Variants in FRRS1 observed in about 807,000 individuals in gnomAD.
FRRS1 encodes the protein ferric chelate reductase 1.
Under a neutral mutation model 70.7 loss-of-function variants are expected in FRRS1, and 51 were observed. That is an observed-to-expected ratio of 0.72 (90% CI 0.58 to 0.91). The LOEUF (loss-of-function observed/expected upper bound fraction) is 0.91, where lower values mean the gene tolerates loss of function less well. Among genes scored for constraint, FRRS1 ranks in the 40% least tolerant of loss-of-function variants. The pLI is 0.00. For missense variants in FRRS1, 672 were observed against 726.0 expected (o/e 0.93, Z 0.86); for synonymous variants, 225 against 238.7 (o/e 0.94, Z 0.53).
At chr1:99,729,531 C>T in intron 8 of FRRS1, 119 bp downstream of exon 8, 1 of 604,978 alleles carries the variant, frequency 1.7e-6, no homozygotes, top group Non-Finnish European at 3.0e-6. Context: ...CAGGCCCCTG[C>T]TCAGGCTAGG....
intron 9 of FRRS1, among the ~76,000 whole-genome samples, chr1:99,721,261 C>A (rs1310665059): frequency 6.6e-6 from 1 of 151,904 alleles, no homozygotes; most frequent in Non-Finnish European, 1.5e-5. Flanking sequence ...CACCTGTAAT[C>A]CCAGCTACTC....
At chr1:99,754,488 A>G in intron 1 of FRRS1, among the ~76,000 whole-genome samples, 1 of 104,928 alleles carries the variant, frequency 9.5e-6, no homozygotes, top group East Asian at 2.2e-4. Context: ...CTTGTCTCAA[A>G]GAGAGAGAGA....
chr1:99,743,872 T>C (rs901367891), intron 4 of FRRS1, among the ~76,000 whole-genome samples: 5 of 152,146 alleles, frequency 3.3e-5, no homozygotes, highest in East Asian at 1.9e-4. Flanking sequence ...TGTGCACTAC[T>C]GTAAACCTTG....
At chr1:99,748,065 G>T (rs988687229) in intron 3 of FRRS1, 3 of 153,904 alleles carry the variant, frequency 1.9e-5, no homozygotes, top group African/African-American at 7.3e-5. Context: ...GAACTCTAAG[G>T]TATATTATAT....
intron 4 of FRRS1, among the ~76,000 whole-genome samples, chr1:99,746,263 C>A (rs1656257670): frequency 6.6e-6 from 1 of 152,174 alleles, no homozygotes; most frequent in South Asian, 2.1e-4. Context: ...GCTCTTTACA[C>A]ACAGTACTCG....
rs1430614829 is a variant in FRRS1, at chr1:99,707,488, C to T, written c.*1540G>A. Among the ~76,000 whole-genome samples, 1 of 152,022 alleles carries T rather than the reference C, an allele frequency of 6.6e-6. No homozygotes were observed. Among genetic ancestry groups the T allele is most frequent in the Non-Finnish European group, 1.5e-5 (1 of 68,014 alleles). ...CATTCATTATTACAGGGTCAGGGGA[C>T]TTGTAAAAACAAATATCAATTATTA... On this transcript the variant is annotated 3_prime_UTR_variant, in exon 17 of 17. Transcript: ENST00000646001.
At chr1:99,723,333 T>A (rs1379287976) in intron 9 of FRRS1, among the ~76,000 whole-genome samples, 1 of 151,786 alleles carries the variant, frequency 6.6e-6, no homozygotes, top group Non-Finnish European at 1.5e-5. Context: ...CTGGGCAACA[T>A]GACGAGACCC....
intron 1 of FRRS1, among the ~76,000 whole-genome samples, chr1:99,760,608 C>T (rs537863236): frequency 6.6e-6 from 1 of 152,256 alleles, no homozygotes; most frequent in South Asian, 2.1e-4. Context: ...ACATTCAATA[C>T]CAATTTAAGA....
chr1:99,710,574 C>T (rs1654226933), intron 15 of FRRS1, among the ~76,000 whole-genome samples: 2 of 152,166 alleles, frequency 1.3e-5, no homozygotes, highest in Non-Finnish European at 1.5e-5. Flanking sequence ...ACAAGGAAGA[C>T]TCCCTGCCTA....
intron 7 of FRRS1, among the ~76,000 whole-genome samples, chr1:99,734,464 T>C (rs1395020892): frequency 6.6e-6 from 1 of 151,598 alleles, no homozygotes; most frequent in Non-Finnish European, 1.5e-5. Context: ...TAGATAGAAA[T>C]AGAAAGATAA....
In FRRS1 at chr1:99,705,854, A is replaced by G. The variant is rs12078040; in HGVS notation, c.*3174T>C. ...ACACATCTTTATTTCATATTGCATCACTTCTTTAGAAGAAAACATGATTTT... is the reference window on the plus strand; with the variant it reads ...ACACATCTTTATTTCATATTGCATCGCTTCTTTAGAAGAAAACATGATTTT... On this transcript the variant is annotated 3_prime_UTR_variant, in exon 17 of 17. Transcript: ENST00000646001. 0.16 allele frequency among the ~76,000 whole-genome samples: 23,833 copies of G among 152,144 alleles called. 3,471 individuals are homozygous for G. The highest frequency in any genetic ancestry group is 0.38 in the African/African-American group (15,927 of 41,444).
chr1:99,709,011 C>T lies in FRRS1; in HGVS notation c.*17G>A. 6.2e-7 allele frequency: 1 copy of T among 1,613,836 alleles called. No homozygotes were observed. Among genetic ancestry groups the T allele is most frequent in the Middle Eastern group, 1.7e-4 (1 of 6,060 alleles). On this transcript the variant is annotated 3_prime_UTR_variant, in exon 17 of 17. Transcript: ENST00000646001. Reference sequence around the variant, plus strand: ...ATAATTATCACTTGGCCTGCAAAAGCCAAGGTCTTTGCTTGCTCATAGATG... The same window carrying T: ...ATAATTATCACTTGGCCTGCAAAAGTCAAGGTCTTTGCTTGCTCATAGATG...
intron 6 of FRRS1, among the ~76,000 whole-genome samples, chr1:99,740,570 T>C (rs964174077): frequency 6.6e-6 from 1 of 152,236 alleles, no homozygotes; most frequent in African/African-American, 2.4e-5. Context: ...TTCTCTTCTG[T>C]ATTTTATAAT....
At chr1:99,716,206 C>T (rs1227263080) in intron 11 of FRRS1, among the ~76,000 whole-genome samples, 8 of 152,182 alleles carry the variant, frequency 5.3e-5, no homozygotes, top group Non-Finnish European at 2.9e-5. Flanking sequence ...ATAACTGGTG[C>T]AGACCAAAAC....
chr1:99,732,365 C>T (rs1414028154), intron 7 of FRRS1, among the ~76,000 whole-genome samples: 26 of 152,126 alleles, frequency 1.7e-4, no homozygotes, highest in Admixed American at 1.7e-3. Context: ...TATGAGAGAA[C>T]ATTAAGCTGG....
chr1:99,720,106 G>T (rs990216741), intron 9 of FRRS1, among the ~76,000 whole-genome samples: 1 of 152,120 alleles, frequency 6.6e-6, no homozygotes, highest in Non-Finnish European at 1.5e-5. Flanking sequence ...GAAAGAGGAT[G>T]GTTGGAAGAC....
At chr1:99,727,146 T>C (rs1365757523) in intron 9 of FRRS1, among the ~76,000 whole-genome samples, 1 of 152,184 alleles carries the variant, frequency 6.6e-6, no homozygotes, top group Admixed American at 6.5e-5. Context: ...GGGATAATAA[T>C]AATACACCTC....
chr1:99,735,061 T>C (rs1655584127), intron 7 of FRRS1, among the ~76,000 whole-genome samples: 1 of 152,218 alleles, frequency 6.6e-6, no homozygotes, highest in African/African-American at 2.4e-5. Flanking sequence ...ACAGTACATC[T>C]TCACTTAAAC....
Position 99,719,611 on chromosome 1 carries a change from G to T in FRRS1, c.1043C>A (p.Thr348Asn). The change falls in exon 10 of 17, where the codon ACC becomes AAC. Residue 348 changes from threonine to asparagine, a missense_variant. By Grantham distance (65) the Thr-to-Asn change is moderately conservative. Transcript: ENST00000646001. ...IYKHSQQPLI[T>N]YEKYDVTDSP... is the part of the protein sequence containing the mutation. ...GTCTGTCACATCATATTTTTCATAG[G>T]TAATCAAAGGTTGCTGAGAGTGCTT... 6.2e-7 allele frequency: 1 copy of T among 1,610,034 alleles called. No individual in the cohort carries two copies. Among genetic ancestry groups the T allele is most frequent in the South Asian group, 1.1e-5 (1 of 90,806 alleles).
Sources: allele counts gnomAD v4.1 joint callset (sites outside exome capture counted in the v4.1 genomes callset), GRCh38; gene constraint gnomAD v4.1.1; transcripts MANE v1.5; gene names NCBI Gene and HGNC (gene_info 2026-07-23, HGNC 2026-07-21).